Variants in RASA2 observed in about 807,000 individuals in gnomAD.
The protein encoded by RASA2 is RAS p21 protein activator 2, also known as ras GTPase-activating protein 2.
A neutral mutation model predicts 118.2 loss-of-function variants in RASA2; 155 were observed. That is an observed-to-expected ratio of 1.31 (90% CI 1.15 to 1.50). The LOEUF (loss-of-function observed/expected upper bound fraction) is 1.50. Ranked by LOEUF, RASA2 falls within the 40% of genes most tolerant of loss-of-function variation. The probability of loss-of-function intolerance (pLI) is 0.00; values close to 1 mark genes in which losing one functional copy is unlikely to be tolerated. For missense variants in RASA2, 1,016 were observed against 1,009.6 expected (o/e 1.01, Z -0.09); for synonymous variants, 353 against 349.1 (o/e 1.01, Z -0.12).
At chr3:141,584,890 ATT>A (rs1488431012) in intron 17 of RASA2, among the ~76,000 whole-genome samples, 1 of 151,816 alleles carries the variant, frequency 6.6e-6, no homozygotes, top group Non-Finnish European at 1.5e-5. Context: ...CTCCATATAT[ATT>A]TTTTTTAACT....
chr3:141,523,888 T>C (rs1027618263), intron 3 of RASA2, among the ~76,000 whole-genome samples: 5 of 152,236 alleles, frequency 3.3e-5, no homozygotes, highest in Admixed American at 3.3e-4. Flanking sequence ...GGTTCATCCA[T>C]AAAATAAGAT....
At chr3:141,559,777 C>T in intron 8 of RASA2, 117 bp from the exon 9 acceptor site, 1 of 805,406 alleles carries the variant, frequency 1.2e-6, no homozygotes, top group Admixed American at 2.3e-5. Flanking sequence ...TTGCTAACAT[C>T]TTTTAAGCAT....
chr3:141,528,412 A>C (rs1053456282), intron 3 of RASA2, among the ~76,000 whole-genome samples: 2 of 151,938 alleles, frequency 1.3e-5, no homozygotes, highest in African/African-American at 2.4e-5. Context: ...AAGAATCATT[A>C]TATACGTTAG....
Position 141,594,911 on chromosome 3 carries a change from G to A in RASA2, c.1933+8159G>A, listed in dbSNP as rs374829007. 1.5e-3 allele frequency among the ~76,000 whole-genome samples: 225 copies of A among 151,902 alleles called. 4 individuals carry two copies. The highest frequency in any genetic ancestry group is 5.2e-3 in the African/African-American group (215 of 41,460). ...CCATTTCTTTAAAAAGCAACTGTTC[G>A]ATGCAAAATGTATAACATTTAATTA... On this transcript the variant is annotated intron_variant, in intron 19 of 23. Transcript: ENST00000286364.
rs747261993 is a variant in RASA2, at chr3:141,609,975, A to G, written c.2428A>G (p.Ile810Val). ...GGATTCTGTAACAACCTTTAAGACA[A>G]TTCAGCAAATAAAAAGCATAATTGA... ...IEDSVTTFKT[I>V]QQIKSIIEKL... The change falls in exon 23 of 24, where the codon ATT becomes GTT. Residue 810 changes from isoleucine (I) to valine (V), a missense_variant. Physicochemically the swap from Ile to Val is conservative, Grantham distance 29. Transcript: ENST00000286364. 2.5e-6 allele frequency: 4 copies of G among 1,605,942 alleles called. No individual in the cohort carries two copies. Among genetic ancestry groups the G allele is most frequent in the East Asian group, 2.3e-5 (1 of 44,380 alleles).
intron 2 of RASA2, among the ~76,000 whole-genome samples, chr3:141,515,520 T>C (rs1341454781): frequency 6.6e-6 from 1 of 152,202 alleles, no homozygotes; most frequent in African/African-American, 2.4e-5. Context: ...TAGAACTTAG[T>C]TGAAATTTAG....
intron 1 of RASA2, among the ~76,000 whole-genome samples, chr3:141,491,896 G>T (rs1163696883): frequency 6.6e-6 from 1 of 152,196 alleles, no homozygotes; most frequent in Admixed American, 6.5e-5. Context: ...TTAATTCTGT[G>T]AAGTATAAAT....
intron 1 of RASA2, among the ~76,000 whole-genome samples, chr3:141,498,101 G>A (rs913850006): frequency 6.6e-6 from 1 of 152,016 alleles, no homozygotes; most frequent in Non-Finnish European, 1.5e-5. Flanking sequence ...TGGTAGATGG[G>A]GTGAACTAAT....
chr3:141,539,078 AATAC>A (rs2082369422), intron 4 of RASA2, among the ~76,000 whole-genome samples: 1 of 152,344 alleles, frequency 6.6e-6, no homozygotes, highest in African/African-American at 2.4e-5. Flanking sequence ...CTAGCCAAGT[AATAC>A]ATACATGCTG....
At chr3:141,610,495 AT>A (rs2083633066) in intron 23 of RASA2, among the ~76,000 whole-genome samples, 2 of 131,360 alleles carry the variant, frequency 1.5e-5, no homozygotes, top group South Asian at 2.3e-4. Context: ...ATATATATAT[AT>A]TTAGTTTTTG....
At chr3:141,598,169 G>A (rs1170265517) in intron 19 of RASA2, among the ~76,000 whole-genome samples, 1 of 151,968 alleles carries the variant, frequency 6.6e-6, no homozygotes, top group Non-Finnish European at 1.5e-5. Context: ...GAAAACAGAG[G>A]GAAAGAATAC....
chr3:141,503,749 T>TAA (rs1252327217), intron 1 of RASA2, among the ~76,000 whole-genome samples: 9 of 152,246 alleles, frequency 5.9e-5, no homozygotes, highest in Non-Finnish European at 1.5e-5. Flanking sequence ...ACAGACTTTT[T>TAA]GTCTGTTTTG....
chr3:141,495,572 T>G (rs1194382602), intron 1 of RASA2, among the ~76,000 whole-genome samples: 1 of 152,240 alleles, frequency 6.6e-6, no homozygotes, highest in Non-Finnish European at 1.5e-5. Context: ...TATCTCAGTC[T>G]TTGGTGAGGG....
chr3:141,517,893 G>T (rs2082051957), intron 3 of RASA2, among the ~76,000 whole-genome samples: 1 of 151,866 alleles, frequency 6.6e-6, no homozygotes, highest in Non-Finnish European at 1.5e-5. Context: ...CTGACCTCGT[G>T]ATCTGCCCAC....
At chr3:141,535,492 A>G (rs1375324409) in intron 4 of RASA2, among the ~76,000 whole-genome samples, 2 of 152,218 alleles carry the variant, frequency 1.3e-5, no homozygotes, top group Non-Finnish European at 2.9e-5. Context: ...GTTTTGCTCA[A>G]ATACCTCTAT....
intron 1 of RASA2, among the ~76,000 whole-genome samples, chr3:141,491,632 A>G (rs890368136): frequency 1.3e-5 from 2 of 152,156 alleles, no homozygotes; most frequent in Non-Finnish European, 2.9e-5. Context: ...TTAAGAGAAA[A>G]CTGTATGAGT....
At chr3:141,510,250 G>A (rs1164855359) in intron 1 of RASA2, among the ~76,000 whole-genome samples, 1 of 152,132 alleles carries the variant, frequency 6.6e-6, no homozygotes, top group African/African-American at 2.4e-5. Flanking sequence ...AGGAATATTG[G>A]TTTTATGGTT....
chr3:141,544,001 A>G (rs112804670), intron 5 of RASA2, among the ~76,000 whole-genome samples: 17 of 149,356 alleles, frequency 1.1e-4, no homozygotes, highest in African/African-American at 3.9e-4. Flanking sequence ...TCAGCCTCCT[A>G]AGTAGCTGGA....
chr3:141,521,894 GTT>G (rs369996071), intron 3 of RASA2, among the ~76,000 whole-genome samples: 1 of 139,656 alleles, frequency 7.2e-6, no homozygotes, highest in Non-Finnish European at 1.6e-5. Flanking sequence ...TAACACACAG[GTT>G]TTTTTTTTTT....
Sources: gnomAD v4.1 joint callset for allele counts (sites outside exome capture counted in the v4.1 genomes callset) on GRCh38, gnomAD v4.1.1 for gene constraint, MANE v1.5 for transcripts, NCBI Gene and HGNC (gene_info 2026-07-23, HGNC 2026-07-21) for gene names.